The following TPTE2 variants were observed in gnomAD, a reference collection of about 807,000 sequenced individuals.
The protein encoded by TPTE2 is phosphatidylinositol 3,4,5-trisphosphate 3-phosphatase TPTE2.
TPTE2 carries 53 observed loss-of-function variants against 78.6 expected under a neutral mutation model. That is an observed-to-expected ratio of 0.67 (90% CI 0.54 to 0.85). TPTE2 has a LOEUF of 0.85. Among genes scored for constraint, TPTE2 ranks in the 40% least tolerant of loss-of-function variants. The pLI is 0.00. For synonymous variants in TPTE2, 175 were observed against 206.2 expected (o/e 0.85, Z 1.30); for missense variants, 461 against 623.0 (o/e 0.74, Z 2.77).
At chr13:19,494,521 G>T (rs974911009) in intron 1 of TPTE2, among the ~76,000 whole-genome samples, 10 of 152,116 alleles carry the variant, frequency 6.6e-5, no homozygotes, top group African/African-American at 2.4e-4. Flanking sequence ...CGATTCTCCT[G>T]CCTCACCCTC....
At chr13:19,522,184 G>A (rs1168935843) in intron 1 of TPTE2, among the ~76,000 whole-genome samples, 1 of 152,140 alleles carries the variant, frequency 6.6e-6, no homozygotes, top group African/African-American at 2.4e-5. Context: ...CAACTGTCAT[G>A]GCATCACAGG....
At chr13:19,429,299 G>C (rs1876377583) in intron 17 of TPTE2, among the ~76,000 whole-genome samples, 1 of 152,214 alleles carries the variant, frequency 6.6e-6, no homozygotes, top group Non-Finnish European at 1.5e-5. Context: ...GTGGCAGTGA[G>C]AACAGAAAGG....
At chr13:19,554,298 C>T in the TPTE2 span, among the ~76,000 whole-genome samples, 1 of 151,860 alleles carries the variant, frequency 6.6e-6, no homozygotes, top group East Asian at 1.9e-4. Context: ...TGGCATGAAC[C>T]CAGGAGGCGG....
Position 19,522,602 on chromosome 13 carries a change from T to G in TPTE2, c.-44+13994A>C, listed in dbSNP as rs181629783. 2.1e-3 allele frequency among the ~76,000 whole-genome samples: 315 copies of G among 148,338 alleles called. 1 individual carries two copies. The highest frequency in any genetic ancestry group is 6.4e-3 in the Admixed American group (93 of 14,444). ...GTTTTTTTCTTTGTTTTCTTTTGTTTTCCTTACTTTTTTTTTCTTTTTTTT... is the reference window on the plus strand; with the variant it reads ...GTTTTTTTCTTTGTTTTCTTTTGTTGTCCTTACTTTTTTTTTCTTTTTTTT... On this transcript the variant is annotated intron_variant, in intron 1 of 17. Coordinates refer to the TPTE2 transcript ENST00000390680.
At chr13:19,523,753 G>A (rs1566076663) in intron 1 of TPTE2, among the ~76,000 whole-genome samples, 2 of 152,194 alleles carry the variant, frequency 1.3e-5, no homozygotes, top group South Asian at 2.1e-4. Context: ...TTACAGGCAT[G>A]AGCTACCATG....
chr13:19,499,337 A>G (rs9670171), intron 1 of TPTE2, among the ~76,000 whole-genome samples: 28,089 of 151,654 alleles, frequency 0.19, 3,461 homozygotes, highest in African/African-American at 0.36. Context: ...CCAAATCAAC[A>G]GAATATACAT....
At chr13:19,475,600 T>G in exon 5 of TPTE2, 1 of 1,609,010 alleles carries the variant, frequency 6.2e-7, no homozygotes, top group South Asian at 1.1e-5. Context: ...TACAATTGAA[T>G]GCACAATTTT....
rs182204276 is a variant in TPTE2 at position 19,491,782 on chromosome 13, G to A, written c.119+1068C>T. On this transcript the variant is annotated intron_variant, in intron 3 of 19. Transcript: ENST00000400230. ...GGAGGTTACAGGGAGCCGAGATCGC[G>A]CCACTGCACTCCAGCTTGGGCAACA... 4.5e-3 allele frequency among the ~76,000 whole-genome samples: 679 copies of A among 152,176 alleles called. 5 individuals are homozygous for A. The highest frequency in any genetic ancestry group is 0.026 in the South Asian group (127 of 4,822).
At chr13:19,501,516 A>G (rs927784125) in intron 1 of TPTE2, among the ~76,000 whole-genome samples, 3 of 144,990 alleles carry the variant, frequency 2.1e-5, no homozygotes, top group African/African-American at 7.6e-5. Flanking sequence ...CAACTATCTG[A>G]TCTTTGACAA....
At chr13:19,428,864 C>G (rs2137465972) in intron 17 of TPTE2, among the ~76,000 whole-genome samples, 1 of 152,206 alleles carries the variant, frequency 6.6e-6, no homozygotes, top group East Asian at 1.9e-4. Context: ...TGGAAAAAAG[C>G]TCAGGTATTA....
intron 17 of TPTE2, among the ~76,000 whole-genome samples, chr13:19,430,245 G>A (rs567460290): frequency 1.3e-5 from 2 of 152,226 alleles, no homozygotes; most frequent in African/African-American, 4.8e-5. Flanking sequence ...ACACTGACCA[G>A]AAATACATTC....
upstream of TPTE2, among the ~76,000 whole-genome samples, chr13:19,507,319 A>AG (rs1444098592): frequency 1.6e-4 from 25 of 151,628 alleles, no homozygotes; most frequent in South Asian, 1.5e-3. Flanking sequence ...AAAAAAAAAA[A>AG]AAAAAACACA....
At chr13:19,522,619 C>CTTTT (rs57248346) in intron 1 of TPTE2, among the ~76,000 whole-genome samples, 2 of 121,644 alleles carry the variant, frequency 1.6e-5, no homozygotes, top group Non-Finnish European at 3.3e-5. Context: ...CTTTTTTTTT[C>CTTTT]TTTTTTTTTT....
At chr13:19,478,429 A>G (rs1880108988) in intron 4 of TPTE2, among the ~76,000 whole-genome samples, 1 of 152,260 alleles carries the variant, frequency 6.6e-6, no homozygotes, top group African/African-American at 2.4e-5. Context: ...ATCACTGGCC[A>G]TCAGAGAAAT....
chr13:19,464,856 G>A (rs1161358488), intron 9 of TPTE2, among the ~76,000 whole-genome samples: 1 of 152,150 alleles, frequency 6.6e-6, no homozygotes, highest in South Asian at 2.1e-4. Flanking sequence ...CACCAGTGAC[G>A]GTGGGAACTC....
At chr13:19,430,678 T>G in intron 16 of TPTE2, 131 bp from the exon 20 acceptor site, 1 of 635,960 alleles carries the variant, frequency 1.6e-6, no homozygotes, top group East Asian at 2.9e-5. Flanking sequence ...GTTACTTATT[T>G]GGTCTTGCAT....
rs116095552 is a variant in TPTE2 at position 19,452,225 on chromosome 13, G to A, written c.742-1000C>T. 6.7e-3 allele frequency among the ~76,000 whole-genome samples: 1,022 copies of A among 151,972 alleles called. 8 individuals carry two copies. Among genetic ancestry groups the A allele is most frequent in the African/African-American group, 0.022 (904 of 41,436 alleles). Reference sequence around the variant, plus strand: ...GGAATTTCTTACATAAAATCCACACGGGTTTAGAAATCACATATAAAAACT... The same window carrying A: ...GGAATTTCTTACATAAAATCCACACAGGTTTAGAAATCACATATAAAAACT... On this transcript the variant is annotated intron_variant, in intron 10 of 19. Transcript: ENST00000400230.
At chr13:19,546,464 T>G in the TPTE2 span, among the ~76,000 whole-genome samples, 4 of 149,390 alleles carry the variant, frequency 2.7e-5, no homozygotes, top group Admixed American at 6.8e-5. Flanking sequence ...GTTTGATTTT[T>G]GGGTTTTTTT....
the TPTE2 span, chr13:19,560,414 C>T: frequency 6.2e-7 from 1 of 1,609,334 alleles, no homozygotes; most frequent in Non-Finnish European, 8.5e-7. Flanking sequence ...TCATCCAGGA[C>T]TAAGTCCTCA....
Sources: gnomAD v4.1 joint callset for allele counts (sites outside exome capture counted in the v4.1 genomes callset) on GRCh38, gnomAD v4.1.1 for gene constraint, MANE v1.5 for transcripts, NCBI Gene and HGNC (gene_info 2026-07-23, HGNC 2026-07-21) for gene names.